The following TLL2 variants were observed in gnomAD, a reference collection of about 807,000 sequenced individuals.
TLL2 encodes tolloid like 2.
A neutral mutation model predicts 123.0 loss-of-function variants in TLL2; 106 were observed. The observed-to-expected ratio is 0.86, with a 90% CI of 0.74 to 1.01. The LOEUF is 1.01. Ranked by LOEUF, TLL2 falls within the 50% of genes least tolerant of loss-of-function variation. TLL2 has a pLI of 0.00. For synonymous variants in TLL2, 494 were observed against 516.8 expected (o/e 0.96, Z 0.60); for missense variants, 1,332 against 1,336.7 (o/e 1.00, Z 0.06).
At chr10:96,475,994 T>C (rs1847240189) in intron 2 of TLL2, among the ~76,000 whole-genome samples, 1 of 151,828 alleles carries the variant, frequency 6.6e-6, no homozygotes. Context: ...CCACCATGAT[T>C]GTGAGGACTC....
intron 2 of TLL2, among the ~76,000 whole-genome samples, chr10:96,450,910 G>A (rs1039896359): frequency 2.0e-5 from 3 of 152,060 alleles, no homozygotes; most frequent in Non-Finnish European, 4.4e-5. Flanking sequence ...TTACCTCTTC[G>A]GTGAGAGGAT....
At chr10:96,482,046 A>G (rs1299361536) in intron 1 of TLL2, among the ~76,000 whole-genome samples, 4 of 152,158 alleles carry the variant, frequency 2.6e-5, no homozygotes, top group African/African-American at 9.7e-5. Context: ...TCACGAGGTC[A>G]GGAGATCGAG....
chr10:96,452,673 C>T (rs1846973356), intron 2 of TLL2, among the ~76,000 whole-genome samples: 1 of 152,206 alleles, frequency 6.6e-6, no homozygotes, highest in Non-Finnish European at 1.5e-5. Flanking sequence ...CCGTCTGACT[C>T]CAGAATCCAT....
At chr10:96,420,795 T>A (rs1846611672) in intron 7 of TLL2, among the ~76,000 whole-genome samples, 161 bp downstream of exon 7, 1 of 152,162 alleles carries the variant, frequency 6.6e-6, no homozygotes, top group Non-Finnish European at 1.5e-5. Flanking sequence ...CTGATTAGAT[T>A]ATATTTCACT....
intron 17 of TLL2, among the ~76,000 whole-genome samples, chr10:96,378,080 C>T (rs1464121277): frequency 1.3e-5 from 2 of 152,280 alleles, no homozygotes; most frequent in Admixed American, 6.5e-5. Context: ...TGACCATGCC[C>T]TAGGGCTGGG....
At chr10:96,461,938 G>A (rs1297723682) in intron 2 of TLL2, among the ~76,000 whole-genome samples, 1 of 152,112 alleles carries the variant, frequency 6.6e-6, no homozygotes, top group East Asian at 1.9e-4. Flanking sequence ...CCTATAAGAC[G>A]CTCTACTCCT....
chr10:96,378,952 G>T lies in TLL2; in HGVS notation c.2320+15C>A. ...GGGCAGCCCGCCCCCCCAACAACTG[G>T]AGGTCCAGCCTCACCCTCTTTGCAG... is the stretch of plus-strand genomic sequence containing the variant. On this transcript the variant is annotated intron_variant, in intron 17 of 20. Coordinates refer to ENST00000357947, the MANE Select transcript of TLL2 (RefSeq NM_012465.4). The T allele has an allele frequency of 6.2e-7, 1 of 1,613,156 alleles. No homozygotes were observed. The highest frequency in any genetic ancestry group is 8.5e-7 in the Non-Finnish European group (1 of 1,179,232).
chr10:96,411,021 C>A (rs557189896), intron 8 of TLL2, among the ~76,000 whole-genome samples: 3 of 152,140 alleles, frequency 2.0e-5, no homozygotes, highest in Non-Finnish European at 4.4e-5. Context: ...GCGGGTGGGT[C>A]ATTTGAGGTC....
intron 8 of TLL2, among the ~76,000 whole-genome samples, chr10:96,412,619 A>G (rs1172378304): frequency 6.6e-6 from 1 of 152,188 alleles, no homozygotes; most frequent in East Asian, 1.9e-4. Flanking sequence ...GTATTGTCCC[A>G]TCTTCAATGG....
In TLL2 at chr10:96,481,124, C is replaced by T. The variant is rs146779436; in HGVS notation, c.176-665G>A. Among the ~76,000 whole-genome samples, 392 of 141,564 alleles carry T rather than the reference C, an allele frequency of 2.8e-3. 2 individuals are homozygous for T. The highest frequency in any genetic ancestry group is 0.01 in the African/African-American group (377 of 36,776). The allele number at this position is 141,564 out of a possible 152,430, so 92.9% of individuals were successfully genotyped here. A position where few individuals can be genotyped will look rare whatever the true frequency, so the allele number is the denominator to read the frequency against. On this transcript the variant is annotated intron_variant, in intron 1 of 20. Coordinates refer to ENST00000357947, the MANE Select transcript of TLL2 (RefSeq NM_012465.4). ...CAGCATGGATTAAAAAATGAAAACACTGTTTTTTTTGTTGGGGGATGGATT... is the reference window on the plus strand; with the variant it reads ...CAGCATGGATTAAAAAATGAAAACATTGTTTTTTTTGTTGGGGGATGGATT...
At chr10:96,475,511 T>G (rs1847230029) in intron 2 of TLL2, among the ~76,000 whole-genome samples, 1 of 152,232 alleles carries the variant, frequency 6.6e-6, no homozygotes, top group African/African-American at 2.4e-5. Flanking sequence ...TAGTCCTGAT[T>G]CTGCTACTGA....
chr10:96,379,629 C>T (rs927812305), intron 16 of TLL2, among the ~76,000 whole-genome samples: 18 of 152,212 alleles, frequency 1.2e-4, no homozygotes, highest in African/African-American at 3.6e-4. Flanking sequence ...CGAGACCAGC[C>T]TGGCCAAAAT....
chr10:96,475,223 G>A (rs1438708141), intron 2 of TLL2, among the ~76,000 whole-genome samples: 5 of 152,310 alleles, frequency 3.3e-5, no homozygotes, highest in Admixed American at 6.5e-5. Flanking sequence ...AACACAGCTC[G>A]TGGCCCCAAG....
intron 7 of TLL2, among the ~76,000 whole-genome samples, chr10:96,418,825 TTGAATATATAAATTAATA>T (rs1416948446): frequency 2.0e-5 from 3 of 148,174 alleles, no homozygotes; most frequent in Non-Finnish European, 4.5e-5. Flanking sequence ...AATATATAAA[TTGAATATATAAATTAATA>T]TGAATATATA....
chr10:96,479,576 C>A (rs139103794), intron 2 of TLL2, among the ~76,000 whole-genome samples: 111 of 152,370 alleles, frequency 7.3e-4, no homozygotes, highest in Non-Finnish European at 1.2e-3. Context: ...CCAAGGGCAC[C>A]TGGTGGGCTG....
chr10:96,373,693 T>C lies in TLL2; in HGVS notation c.2565A>G (p.Lys855=), dbSNP rs774156058. 5.0e-6 allele frequency: 8 copies of C among 1,614,182 alleles called. No individual in the cohort carries two copies. The highest frequency in any genetic ancestry group is 6.8e-6 in the Non-Finnish European group (8 of 1,180,020). The change falls in exon 19 of 21, where the codon AAA becomes AAG. Residue 855 remains lysine, a synonymous_variant. Transcript: ENST00000357947. ...PILGRFCGSK[K]PDPTVASGSS... ...TGCCGGAAGCCACCGTGGGGTCTGG[T>C]TTCTTGCTGCCGCAGAAACGGCCCA...
At chr10:96,466,157 G>A (rs1203120719) in intron 2 of TLL2, among the ~76,000 whole-genome samples, 1 of 152,136 alleles carries the variant, frequency 6.6e-6, no homozygotes, top group African/African-American at 2.4e-5. Context: ...AGAGAACCTG[G>A]GGAGCAGAAA....
intron 5 of TLL2, among the ~76,000 whole-genome samples, chr10:96,427,130 A>G (rs1361311647): frequency 2.0e-5 from 3 of 152,178 alleles, no homozygotes; most frequent in African/African-American, 7.2e-5. Context: ...AAATGGAAGC[A>G]TGGGGGGACT....
At chr10:96,454,811 A>T (rs1052659712) in intron 2 of TLL2, among the ~76,000 whole-genome samples, 1 of 152,058 alleles carries the variant, frequency 6.6e-6, no homozygotes. Flanking sequence ...ATCCTTATTG[A>T]CTCTAACTGT....
Sources: gnomAD v4.1 joint callset for allele counts (sites outside exome capture counted in the v4.1 genomes callset) on GRCh38, gnomAD v4.1.1 for gene constraint, MANE v1.5 for transcripts, NCBI Gene and HGNC (gene_info 2026-07-23, HGNC 2026-07-21) for gene names.